COL25A1: variants seen among roughly 807,000 people sequenced by gnomAD.
The protein encoded by COL25A1 is collagen type XXV alpha 1 chain, also known as collagen alpha-1(XXV) chain.
A neutral mutation model predicts 128.4 loss-of-function variants in COL25A1; 103 were observed. That is an observed-to-expected ratio of 0.80 (90% CI 0.68 to 0.94). The LOEUF is 0.94. Ranked by LOEUF, COL25A1 falls within the 40% of genes least tolerant of loss-of-function variation. COL25A1 has a pLI of 0.00. For missense variants in COL25A1, 745 were observed against 840.0 expected (o/e 0.89, Z 1.40); for synonymous variants, 279 against 277.2 (o/e 1.01, Z -0.06).
At chr4:108,878,220 TA>T (rs1485190215) in intron 19 of COL25A1, among the ~76,000 whole-genome samples, 1 of 151,910 alleles carries the variant, frequency 6.6e-6, no homozygotes, top group African/African-American at 2.4e-5. Flanking sequence ...ATTAAAGGAG[TA>T]AAAAAATTAC....
At chr4:109,123,408 C>T (rs537117537) in intron 3 of COL25A1, among the ~76,000 whole-genome samples, 35 of 151,916 alleles carry the variant, frequency 2.3e-4, no homozygotes, top group African/African-American at 5.3e-4. Context: ...CTAAATGAAA[C>T]CTTATTTTAA....
chr4:109,001,396 A>AGGCATCTGAGATCCTGTCAGGTC (rs1755374855), intron 6 of COL25A1, among the ~76,000 whole-genome samples: 5 of 152,404 alleles, frequency 3.3e-5, no homozygotes, highest in South Asian at 2.1e-4. Context: ...CCTGTCAGGT[A>AGGCATCTGAGATCCTGTCAGGTC]GGCATCTGAG....
chr4:109,118,386 TGA>T (rs1467738057), intron 3 of COL25A1, among the ~76,000 whole-genome samples: 1 of 151,526 alleles, frequency 6.6e-6, no homozygotes, highest in African/African-American at 2.4e-5. Flanking sequence ...ATAACACACG[TGA>T]GGTGATGGGT....
intron 13 of COL25A1, among the ~76,000 whole-genome samples, chr4:108,908,827 C>T (rs1047486888): frequency 6.6e-6 from 1 of 152,080 alleles, no homozygotes; most frequent in Non-Finnish European, 1.5e-5. Flanking sequence ...ATTGGAAGTA[C>T]TGATTGGTTG....
chr4:109,100,251 C>T (rs3113700), intron 3 of COL25A1, among the ~76,000 whole-genome samples: 35,547 of 151,758 alleles, frequency 0.23, 5,416 homozygotes, highest in African/African-American at 0.41. Flanking sequence ...TTTTCAGCAA[C>T]GAAGAATCAT....
intron 35 of COL25A1, 66 bp downstream of exon 35, chr4:108,824,108 G>C: frequency 6.2e-7 from 1 of 1,613,860 alleles, no homozygotes; most frequent in Non-Finnish European, 8.5e-7. Flanking sequence ...AATCACACAA[G>C]CTGAACAGCA....
At chr4:108,916,727 G>A (rs1158819087) in intron 13 of COL25A1, among the ~76,000 whole-genome samples, 2 of 152,050 alleles carry the variant, frequency 1.3e-5, no homozygotes, top group African/African-American at 2.4e-5. Flanking sequence ...TCCATGATCT[G>A]CAATATTCTA....
At chr4:109,024,197 G>T (rs529248822) in intron 5 of COL25A1, among the ~76,000 whole-genome samples, 3 of 152,006 alleles carry the variant, frequency 2.0e-5, no homozygotes, top group Non-Finnish European at 2.9e-5. Flanking sequence ...TGGGCAGTAG[G>T]TTAGGTGTAT....
intron 31 of COL25A1, among the ~76,000 whole-genome samples, chr4:108,835,477 CATTTTGAGT>C (rs1245546823): frequency 1.3e-5 from 2 of 152,102 alleles, no homozygotes; most frequent in Non-Finnish European, 2.9e-5. Context: ...ATTCTACATA[CATTTTGAGT>C]ATTTTGAGTT....
intron 13 of COL25A1, among the ~76,000 whole-genome samples, chr4:108,911,890 G>T (rs1744274010): frequency 6.9e-6 from 1 of 144,246 alleles, no homozygotes; most frequent in Non-Finnish European, 1.5e-5. Context: ...TCGTTCAACT[G>T]TTTATTCTTC....
At chr4:109,057,224 G>A (rs547365337) in intron 3 of COL25A1, among the ~76,000 whole-genome samples, 4 of 151,920 alleles carry the variant, frequency 2.6e-5, no homozygotes, top group Non-Finnish European at 5.9e-5. Flanking sequence ...CTCATGAAAT[G>A]CACTGAGAGC....
intron 3 of COL25A1, among the ~76,000 whole-genome samples, chr4:109,069,449 A>G (rs754387828): frequency 3.9e-5 from 6 of 152,210 alleles, no homozygotes; most frequent in Non-Finnish European, 5.9e-5. Context: ...CGTGGCCTCA[A>G]GCAGTCCTCT....
intron 19 of COL25A1, among the ~76,000 whole-genome samples, chr4:108,872,273 G>A (rs112319741): frequency 0.17 from 25,532 of 151,930 alleles, 2,467 homozygotes; most frequent in Non-Finnish European, 0.22. Context: ...AAAACTAGCC[G>A]GGAATGGTGG....
chr4:108,827,328 G>C, intron 32 of COL25A1, 140 bp from the exon 33 acceptor site: 2 of 720,668 alleles, frequency 2.8e-6, no homozygotes, highest in Non-Finnish European at 4.9e-6. Context: ...CAGAGTCACT[G>C]CCAGTGATAT....
At chr4:109,225,135 C>A (rs1778716061) in intron 3 of COL25A1, among the ~76,000 whole-genome samples, 1 of 152,176 alleles carries the variant, frequency 6.6e-6, no homozygotes. Flanking sequence ...GAGGGTTAGA[C>A]TTTCCAATTA....
At chr4:108,859,786 G>A in intron 23 of COL25A1, 53 bp from the exon 24 acceptor site, 1 of 1,352,274 alleles carries the variant, frequency 7.4e-7, no homozygotes, top group Non-Finnish European at 1.1e-6. Flanking sequence ...AGCATGTAGG[G>A]TGGACTGTGG....
intron 3 of COL25A1, among the ~76,000 whole-genome samples, chr4:109,188,923 G>A (rs932537630): frequency 2.6e-5 from 4 of 151,786 alleles, no homozygotes; most frequent in African/African-American, 9.7e-5. Flanking sequence ...TGTGTGTGTC[G>A]GTGGGGGTAG....
intron 6 of COL25A1, among the ~76,000 whole-genome samples, chr4:108,988,596 T>C (rs1378000676): frequency 2.0e-5 from 3 of 152,214 alleles, no homozygotes; most frequent in African/African-American, 7.2e-5. Context: ...CAGGCATACA[T>C]TTTTGGCTCC....
chr4:108,968,384 T>C (rs1012776374), intron 8 of COL25A1, among the ~76,000 whole-genome samples: 2 of 152,198 alleles, frequency 1.3e-5, no homozygotes, highest in Admixed American at 1.3e-4. Context: ...AGATATTCCT[T>C]TAATAGCCCA....
Sources: gnomAD v4.1 joint callset for allele counts (sites outside exome capture counted in the v4.1 genomes callset) on GRCh38, gnomAD v4.1.1 for gene constraint, MANE v1.5 for transcripts, NCBI Gene and HGNC (gene_info 2026-07-23, HGNC 2026-07-21) for gene names.